The following ABL1 variants were observed in gnomAD, a reference collection of about 807,000 sequenced individuals.
ABL1 encodes the protein ABL proto-oncogene 1, non-receptor tyrosine kinase.
Under a neutral mutation model 94.7 loss-of-function variants are expected in ABL1, and 11 were observed. The ratio of observed to expected loss-of-function variants is 0.12; its 90% CI spans 0.07 to 0.19. The LOEUF (loss-of-function observed/expected upper bound fraction) is 0.19. ABL1 is among the 10% of genes least tolerant of loss of function. The pLI, the probability that ABL1 is intolerant of heterozygous loss-of-function variation, is 1.00. For missense variants in ABL1, 1,082 were observed against 1,489.4 expected (o/e 0.73, Z 4.50); for synonymous variants, 656 against 622.4 (o/e 1.05, Z -0.80).
intron 1 of ABL1, among the ~76,000 whole-genome samples, chr9:130,778,682 A>T (rs1450025582): frequency 6.6e-6 from 1 of 151,228 alleles, no homozygotes; most frequent in Non-Finnish European, 1.5e-5. Context: ...AGTTTGTTGA[A>T]ATATCTAGTA....
intron 1 of ABL1, among the ~76,000 whole-genome samples, chr9:130,761,060 G>A (rs1261111746): frequency 6.8e-6 from 1 of 147,714 alleles, no homozygotes; most frequent in African/African-American, 2.5e-5. Flanking sequence ...CCATTCTCCT[G>A]CCTCAGCCTC....
chr9:130,828,085 A>C (rs145506325), intron 1 of ABL1, among the ~76,000 whole-genome samples: 2,349 of 151,634 alleles, frequency 0.015, 16 homozygotes, highest in Non-Finnish European at 0.023. Flanking sequence ...TTTTTCTTTT[A>C]TTTATTTATT....
chr9:130,834,005 C>T (rs777143490), upstream of ABL1: 3 of 456,028 alleles, frequency 6.6e-6, no homozygotes, highest in South Asian at 1.5e-5. Flanking sequence ...GCATCATCCA[C>T]TGGTCGGGAG....
At chr9:130,827,364 C>T (rs1374338569) in intron 1 of ABL1, among the ~76,000 whole-genome samples, 1 of 152,102 alleles carries the variant, frequency 6.6e-6, no homozygotes, top group Non-Finnish European at 1.5e-5. Flanking sequence ...CTTGAAAAAG[C>T]GAGTTTACCA....
chr9:130,846,011 A>C lies in ABL1; in HGVS notation c.80-8053A>C, dbSNP rs1456000259. On this transcript the variant is annotated intron_variant, in intron 1 of 10. Transcript: ENST00000318560. ...CCCCCACTGCCCTGCCCCTCCCTGCACCCTAGCAGCTGACACAGTGTTTTG... is the reference window on the plus strand; with the variant it reads ...CCCCCACTGCCCTGCCCCTCCCTGCCCCCTAGCAGCTGACACAGTGTTTTG... 4.0e-5 allele frequency among the ~76,000 whole-genome samples: 6 copies of C among 151,894 alleles called. No individual in the cohort carries two copies. In the East Asian group the frequency reaches 1.2e-3, roughly 29 times the overall value.
chr9:130,853,931 C>CA lies in ABL1; in HGVS notation c.80-132dup. On this transcript the variant is annotated intron_variant, in intron 1 of 10. Coordinates refer to ENST00000318560, the MANE Select transcript of ABL1 (RefSeq NM_005157.6). ...ACCACCTTAATGATAATAGTATGTA[C>CA]AGATGTTAAGAAATGAAATAGGAAT... 3.4e-6 allele frequency: 3 copies of CA among 895,336 alleles called. 1 individual carries two copies. 55.5% of individuals were successfully genotyped at this position (895,336 alleles called of 1,614,324 possible).
intron 1 of ABL1, among the ~76,000 whole-genome samples, chr9:130,847,024 A>G (rs1830783711): frequency 6.6e-6 from 1 of 152,172 alleles, no homozygotes; most frequent in Non-Finnish European, 1.5e-5. Flanking sequence ...TGTCATAGAC[A>G]GAGCCAGAGC....
intron 1 of ABL1, among the ~76,000 whole-genome samples, chr9:130,758,117 G>A (rs1832063967): frequency 6.6e-6 from 1 of 151,876 alleles, no homozygotes; most frequent in Non-Finnish European, 1.5e-5. Context: ...CTGGGTGCTT[G>A]ACATATATTA....
intron 1 of ABL1, among the ~76,000 whole-genome samples, chr9:130,850,104 C>G (rs1380088648): frequency 6.6e-6 from 1 of 152,214 alleles, no homozygotes; most frequent in Non-Finnish European, 1.5e-5. Flanking sequence ...CCACTGTCTG[C>G]TGCTGCATAT....
intron 1 of ABL1, among the ~76,000 whole-genome samples, chr9:130,718,512 A>T (rs1159235775): frequency 1.3e-5 from 2 of 152,114 alleles, no homozygotes; most frequent in African/African-American, 4.8e-5. Context: ...GTAACTATTG[A>T]TGAGATAACC....
At chr9:130,828,831 T>G (rs1000158529) in intron 1 of ABL1, among the ~76,000 whole-genome samples, 40 of 151,804 alleles carry the variant, frequency 2.6e-4, no homozygotes, top group African/African-American at 9.4e-4. Flanking sequence ...GGAGGAGAAG[T>G]TAGGAGACGT....
At chr9:130,795,219 A>G (rs1049072230) in intron 1 of ABL1, among the ~76,000 whole-genome samples, 3 of 152,180 alleles carry the variant, frequency 2.0e-5, no homozygotes, top group Admixed American at 6.5e-5. Flanking sequence ...ATTTCCTTCA[A>G]AAAACAGGAA....
In ABL1 at chr9:130,723,595, T is replaced by C. The variant is rs1774915204; in HGVS notation, c.136+9140T>C. 3.3e-5 allele frequency among the ~76,000 whole-genome samples: 5 copies of C among 152,168 alleles called. No individual in the cohort carries two copies. The South Asian group carries it at 1.0e-3, about 32-fold the overall frequency. On this transcript the variant is annotated intron_variant, in intron 1 of 10. Coordinates refer to the ABL1 transcript ENST00000372348. ...ACAAAAAACAAACCTGCTTAACCTTTCAACACTCTCTTCCAGTCCCCCCTC... is the reference window on the plus strand; with the variant it reads ...ACAAAAAACAAACCTGCTTAACCTTCCAACACTCTCTTCCAGTCCCCCCTC...
At chr9:130,796,512 A>T (rs1210719680) in intron 1 of ABL1, among the ~76,000 whole-genome samples, 2 of 152,164 alleles carry the variant, frequency 1.3e-5, no homozygotes, top group Admixed American at 6.6e-5. Context: ...AGAAACAGTG[A>T]TTCATTTGTT....
intron 1 of ABL1, among the ~76,000 whole-genome samples, chr9:130,728,326 C>G (rs1488358250): frequency 6.6e-6 from 1 of 150,678 alleles, no homozygotes; most frequent in Non-Finnish European, 1.5e-5. Flanking sequence ...CCTACGCCTC[C>G]CAAAGTGCTG....
chr9:130,821,611 G>GAT (rs1255177303), intron 1 of ABL1, among the ~76,000 whole-genome samples: 6 of 150,224 alleles, frequency 4.0e-5, no homozygotes, highest in Admixed American at 1.3e-4. Flanking sequence ...TCTTTGTGTG[G>GAT]ATATACATTT....
chr9:130,881,844 A>G (rs572515016), intron 10 of ABL1, among the ~76,000 whole-genome samples: 1 of 131,818 alleles, frequency 7.6e-6, no homozygotes, highest in East Asian at 1.9e-4. Flanking sequence ...AGCAGAATCT[A>G]TAAACCTGAG....
At chr9:130,783,025 T>C (rs1405790249) in intron 1 of ABL1, among the ~76,000 whole-genome samples, 1 of 152,198 alleles carries the variant, frequency 6.6e-6, no homozygotes, top group Non-Finnish European at 1.5e-5. Flanking sequence ...AAGAACACTC[T>C]CTTACACCAT....
chr9:130,769,880 C>T (rs986041074), intron 1 of ABL1, among the ~76,000 whole-genome samples: 1 of 152,124 alleles, frequency 6.6e-6, no homozygotes, highest in Non-Finnish European at 1.5e-5. Context: ...CAACCCTGAT[C>T]TGTTTTTTTG....
Sources: allele counts gnomAD v4.1 joint callset (sites outside exome capture counted in the v4.1 genomes callset), GRCh38; gene constraint gnomAD v4.1.1; transcripts MANE v1.5; gene names NCBI Gene and HGNC (gene_info 2026-07-23, HGNC 2026-07-21).